RAD52: variants seen among roughly 807,000 people sequenced by gnomAD.
RAD52 encodes the protein RAD52 DNA repair protein, also known as DNA repair protein RAD52 homolog.
Under a neutral mutation model 55.5 loss-of-function variants are expected in RAD52, and 47 were observed. The ratio of observed to expected loss-of-function variants is 0.85; its 90% CI spans 0.67 to 1.08. The LOEUF (loss-of-function observed/expected upper bound fraction) is 1.08. RAD52 is among the 50% of genes least tolerant of loss of function. The pLI, the probability that RAD52 is intolerant of heterozygous loss-of-function variation, is 0.00. For missense variants in RAD52, 468 were observed against 522.8 expected (o/e 0.90, Z 1.02); for synonymous variants, 184 against 198.9 (o/e 0.92, Z 0.63).
chr12:929,761 C>T (rs1299455314), intron 5 of RAD52, 58 bp downstream of exon 5: 2 of 1,521,632 alleles, frequency 1.3e-6, no homozygotes, highest in Admixed American at 1.7e-5. Flanking sequence ...CCTACCTGCT[C>T]ACCTTCTCCT....
chr12:980,737 A>G (rs931315143), intron 1 of RAD52, among the ~76,000 whole-genome samples: 4 of 151,964 alleles, frequency 2.6e-5, no homozygotes, highest in Non-Finnish European at 4.4e-5. Flanking sequence ...AGCTAGGATT[A>G]CAGGCATGCA....
At position 914,467 on chromosome 12, in the gene RAD52, T is replaced by C; in HGVS notation, c.931A>G (p.Lys311Glu). ...TGAGTCACTCCTGCAAGGAAGTCTTTCTCCAGGAGTGGTTCTGAGACAGTT... is the reference window on the plus strand; with the variant it reads ...TGAGTCACTCCTGCAAGGAAGTCTTCCTCCAGGAGTGGTTCTGAGACAGTT... The part of the protein sequence containing the change: ...PVTVSEPLLE[K>E]DFLAGVTQEL... The change falls in exon 10 of 12, where the codon AAA (lysine) becomes GAA (glutamate). Residue 311 changes from lysine to glutamate, a missense_variant. Lys to Glu is a moderately conservative substitution (Grantham distance 56, BLOSUM62 1). Transcript: ENST00000358495. The C allele has an allele frequency of 6.2e-7, 1 of 1,613,514 alleles. No homozygotes were observed. Among genetic ancestry groups the C allele is most frequent in the Non-Finnish European group, 8.5e-7 (1 of 1,179,750 alleles).
At chr12:985,822 T>C (rs1959078573) in intron 1 of RAD52, among the ~76,000 whole-genome samples, 1 of 151,056 alleles carries the variant, frequency 6.6e-6, no homozygotes, top group Admixed American at 6.6e-5. Flanking sequence ...TTTGTAATTT[T>C]TGTATTTTAG....
intron 1 of RAD52, among the ~76,000 whole-genome samples, chr12:939,085 T>TAG (rs1555176186): frequency 0.01 from 1,457 of 144,708 alleles, 12 homozygotes; most frequent in Non-Finnish European, 0.012. Context: ...TGTGTGTGTG[T>TAG]AGAGAGAGAG....
At chr12:973,141 C>A (rs1435465654) in intron 1 of RAD52, among the ~76,000 whole-genome samples, 1 of 152,134 alleles carries the variant, frequency 6.6e-6, no homozygotes, top group Non-Finnish European at 1.5e-5. Flanking sequence ...GCGATCTCGG[C>A]TCACTGCAAG....
chr12:935,856 A>AT (rs1177568523), intron 1 of RAD52, among the ~76,000 whole-genome samples: 13 of 86,812 alleles, frequency 1.5e-4, no homozygotes, highest in African/African-American at 5.2e-4. Flanking sequence ...TCCGTCTCAA[A>AT]AAAATAAATA....
At position 916,344 on chromosome 12, in the gene RAD52, CCTCA is replaced by C. The variant is rs754943553; in HGVS notation, c.861_864del (p.Ser287ArgfsTer9). On this transcript the variant is annotated frameshift_variant and splice_region_variant, in exon 9 of 12. Transcript: ENST00000358495. LOFTEE classifies it high-confidence loss of function. ...GGCCCTGCTCCCACCCCTCGCTCAC[CCTCA>C]CTCTTCTCAGCTGACGGCGTGGAGA... The C allele has an allele frequency of 1.9e-6, 3 of 1,605,416 alleles. No individual in the cohort carries two copies. The East Asian group carries it at 6.7e-5, about 36-fold the overall frequency.
rs1174612068 is a variant in RAD52, at chr12:919,096, C to A, written c.544-2276G>T. Among the ~76,000 whole-genome samples, 4 of 152,190 alleles carry A rather than the reference C, an allele frequency of 2.6e-5. No individual in the cohort carries two copies. In the East Asian group the frequency reaches 7.7e-4, roughly 29 times the overall value. On this transcript the variant is annotated intron_variant, in intron 7 of 11. Transcript: ENST00000358495. Reference sequence around the variant, plus strand: ...AAGCAAGGCAGTGACTGGAAGAGGGCAAAATGGGGCTTCTGGGCTGCTGGT... The same window carrying A: ...AAGCAAGGCAGTGACTGGAAGAGGGAAAAATGGGGCTTCTGGGCTGCTGGT...
chr12:965,225 A>T (rs775727762), intron 1 of RAD52, among the ~76,000 whole-genome samples: 1 of 151,782 alleles, frequency 6.6e-6, no homozygotes, highest in African/African-American at 2.4e-5. Flanking sequence ...TGATCCGCCC[A>T]CCTCGACTCC....
intron 1 of RAD52, chr12:976,358 G>A (rs1380282683): frequency 6.6e-6 from 1 of 152,266 alleles, no homozygotes; most frequent in Admixed American, 6.5e-5. Context: ...ACTTCCCAGT[G>A]AGAAGTGAGG....
At chr12:926,372 T>C (rs10849591) in intron 6 of RAD52, among the ~76,000 whole-genome samples, 150,306 of 151,826 alleles carry the variant, frequency 0.99, 74,422 homozygotes, top group East Asian at 1. Flanking sequence ...GGGGTGGTGT[T>C]ATGTGCCTGT....
chr12:966,802 G>A (rs981060009), intron 1 of RAD52, among the ~76,000 whole-genome samples: 8 of 152,056 alleles, frequency 5.3e-5, no homozygotes, highest in African/African-American at 1.9e-4. Flanking sequence ...AGAAGACCAA[G>A]TATGTTAGAC....
chr12:950,401 C>T (rs747682825), upstream of RAD52, among the ~76,000 whole-genome samples: 1 of 151,678 alleles, frequency 6.6e-6, no homozygotes, highest in Non-Finnish European at 1.5e-5. Flanking sequence ...GAAACCCTGT[C>T]TCTACTAAAA....
upstream of RAD52, chr12:990,965 G>GTA (rs1959181714): frequency 1.3e-5 from 2 of 152,154 alleles, no homozygotes; most frequent in East Asian, 3.9e-4. Context: ...GTGTGTGTGT[G>GTA]TGCAGGGACG....
intron 8 of RAD52, 48 bp downstream of exon 8, chr12:916,591 T>A (rs1956395413): frequency 1.3e-6 from 2 of 1,597,554 alleles, no homozygotes; most frequent in South Asian, 2.2e-5. Context: ...GGCAGCCCCG[T>A]GACACAGGAG....
At chr12:980,963 C>A (rs565133300) in intron 1 of RAD52, among the ~76,000 whole-genome samples, 1 of 152,214 alleles carries the variant, frequency 6.6e-6, no homozygotes, top group Admixed American at 6.6e-5. Context: ...ATGCATTTAT[C>A]CTGATCCCAA....
chr12:947,525 T>C (rs1220868460), intron 1 of RAD52, among the ~76,000 whole-genome samples: 2 of 145,758 alleles, frequency 1.4e-5, no homozygotes, highest in Admixed American at 1.4e-4. Flanking sequence ...GGCATGCGCC[T>C]GTAAGCCCAG....
In RAD52 at chr12:914,488, C is replaced by CA; in HGVS notation, c.909dup (p.Val304CysfsTer23). On this transcript the variant is annotated frameshift_variant, in exon 10 of 12. Transcript: ENST00000358495. LOFTEE classifies it high-confidence loss of function. ...TCTTTCTCCAGGAGTGGTTCTGAGA[C>CA]AGTTACAGGAGTGCTGTGCGTCACA... 6.2e-7 allele frequency: 1 copy of CA among 1,613,586 alleles called. No individual in the cohort carries two copies. The highest frequency in any genetic ancestry group is 8.5e-7 in the Non-Finnish European group (1 of 1,179,784).
Position 911,822 on chromosome 12 carries a change from C to T in RAD52, c.*1569G>A, listed in dbSNP as rs1157280006. Among the ~76,000 whole-genome samples the T allele has an allele frequency of 6.6e-6, 1 of 152,116 alleles. No homozygotes were observed. The highest frequency in any genetic ancestry group is 2.4e-5 in the African/African-American group (1 of 41,406). On this transcript the variant is annotated 3_prime_UTR_variant, in exon 12 of 12. Transcript: ENST00000358495. ...CAGATCACTTGAGGTCAGTTTGAGACCAGCCTGGCCAACATGGAGAAACCC... is the reference window on the plus strand; with the variant it reads ...CAGATCACTTGAGGTCAGTTTGAGATCAGCCTGGCCAACATGGAGAAACCC...
Sources: gnomAD v4.1 joint callset for allele counts (sites outside exome capture counted in the v4.1 genomes callset) on GRCh38, gnomAD v4.1.1 for gene constraint, MANE v1.5 for transcripts, NCBI Gene and HGNC (gene_info 2026-07-23, HGNC 2026-07-21) for gene names.